Variants in BCAR3 observed in about 807,000 individuals in gnomAD.
BCAR3 encodes breast cancer anti-estrogen resistance protein 3.
BCAR3 carries 37 observed loss-of-function variants against 80.1 expected under a neutral mutation model. The ratio of observed to expected loss-of-function variants is 0.46; its 90% CI spans 0.36 to 0.61. The LOEUF (loss-of-function observed/expected upper bound fraction) is 0.61. BCAR3 is among the 20% of genes least tolerant of loss of function. BCAR3 has a pLI of 0.00. For missense variants in BCAR3, 978 were observed against 1,068.2 expected (o/e 0.92, Z 1.18); for synonymous variants, 389 against 418.9 (o/e 0.93, Z 0.87).
intron 3 of BCAR3, among the ~76,000 whole-genome samples, chr1:93,692,122 A>G (rs1649214428): frequency 6.6e-6 from 1 of 152,226 alleles, no homozygotes; most frequent in South Asian, 2.1e-4. Context: ...TATAACTGAC[A>G]CTGCATCATT....
chr1:93,739,140 T>C (rs1651094629), intron 2 of BCAR3, among the ~76,000 whole-genome samples: 1 of 152,306 alleles, frequency 6.6e-6, no homozygotes, highest in East Asian at 1.9e-4. Flanking sequence ...GCGGTACAAC[T>C]GGGAAATAAA....
At chr1:93,679,612 G>C (rs1327538273) in intron 1 of BCAR3, among the ~76,000 whole-genome samples, 1 of 152,202 alleles carries the variant, frequency 6.6e-6, no homozygotes, top group African/African-American at 2.4e-5. Context: ...AAAAGTCAAA[G>C]ACTCTGCATC....
chr1:93,598,038 A>C (rs1447839895), intron 3 of BCAR3, among the ~76,000 whole-genome samples: 1 of 152,274 alleles, frequency 6.6e-6, no homozygotes, highest in East Asian at 1.9e-4. Context: ...ATTGGAAAAC[A>C]CATTCTGGAG....
chr1:93,834,337 C>G (rs1323897971), intron 2 of BCAR3, among the ~76,000 whole-genome samples: 2 of 152,160 alleles, frequency 1.3e-5, no homozygotes, highest in African/African-American at 4.8e-5. Context: ...AACCCATATA[C>G]TCTCCTATCC....
intron 3 of BCAR3, among the ~76,000 whole-genome samples, chr1:93,626,371 T>C (rs1202837545): frequency 6.6e-6 from 1 of 152,198 alleles, no homozygotes; most frequent in African/African-American, 2.4e-5. Flanking sequence ...ATTATTTGTG[T>C]TTTAAGTGTT....
At chr1:93,818,005 C>G (rs978429338) in intron 2 of BCAR3, among the ~76,000 whole-genome samples, 3 of 152,222 alleles carry the variant, frequency 2.0e-5, no homozygotes, top group Non-Finnish European at 4.4e-5. Flanking sequence ...AGTGACTGCT[C>G]CCTCCTTACC....
chr1:93,606,994 T>G (rs1674788974), intron 3 of BCAR3, among the ~76,000 whole-genome samples: 1 of 151,922 alleles, frequency 6.6e-6, no homozygotes, highest in South Asian at 2.1e-4. Flanking sequence ...AGGGGCTGAG[T>G]GGCCAATGGA....
At chr1:93,721,808 A>G (rs1650413497) in intron 2 of BCAR3, among the ~76,000 whole-genome samples, 1 of 152,142 alleles carries the variant, frequency 6.6e-6, no homozygotes, top group Non-Finnish European at 1.5e-5. Flanking sequence ...CTCTGGAGCA[A>G]GGGTTCCTCA....
chr1:93,758,101 T>G (rs192117930), intron 2 of BCAR3, among the ~76,000 whole-genome samples: 1 of 152,300 alleles, frequency 6.6e-6, no homozygotes, highest in East Asian at 1.9e-4. Context: ...TCCCACTGGC[T>G]GAAGGCAACT....
intron 11 of BCAR3, among the ~76,000 whole-genome samples, chr1:93,563,697 A>G (rs887568686): frequency 6.6e-6 from 1 of 151,852 alleles, no homozygotes; most frequent in Non-Finnish European, 1.5e-5. Context: ...ATCATTTTTT[A>G]TTTTTATTTT....
At chr1:93,587,475 C>T (rs183949649) in intron 5 of BCAR3, among the ~76,000 whole-genome samples, 1 of 152,304 alleles carries the variant, frequency 6.6e-6, no homozygotes, top group Admixed American at 6.5e-5. Flanking sequence ...GAAGGTGAGG[C>T]CCAGGAAGGT....
intron 2 of BCAR3, among the ~76,000 whole-genome samples, chr1:93,770,461 G>T (rs891270287): frequency 2.0e-5 from 3 of 152,092 alleles, no homozygotes. Context: ...GTGGGCTTGG[G>T]GTTCCAGTGA....
At chr1:93,660,408 A>T (rs1647595944) in intron 2 of BCAR3, among the ~76,000 whole-genome samples, 1 of 152,218 alleles carries the variant, frequency 6.6e-6, no homozygotes, top group Non-Finnish European at 1.5e-5. Context: ...CATGTTTAAA[A>T]TACCAGGGAG....
chr1:93,717,970 T>C lies in BCAR3; in HGVS notation c.-62-11828A>G, dbSNP rs183601902. Among the ~76,000 whole-genome samples, 235 of 152,352 alleles carry C rather than the reference T, an allele frequency of 1.5e-3. 1 individual carries two copies. Among genetic ancestry groups the C allele is most frequent in the African/African-American group, 5.4e-3 (226 of 41,582 alleles). The stretch of plus-strand genomic sequence containing the variant: ...GGGTTGAACTTTTTGTCTGTTCATT[T>C]GCAGATTACTCTAAAAAGACAGGGA... On this transcript the variant is annotated intron_variant, in intron 2 of 13. Coordinates refer to the BCAR3 transcript ENST00000370244.
chr1:93,749,337 C>T (rs1651463890), intron 2 of BCAR3, among the ~76,000 whole-genome samples: 1 of 151,924 alleles, frequency 6.6e-6, no homozygotes, highest in African/African-American at 2.4e-5. Flanking sequence ...GCCTGTAATC[C>T]CAGCACTTTG....
intron 1 of BCAR3, chr1:93,847,027 G>GCCCA (rs1439616660): frequency 5.4e-6 from 1 of 184,688 alleles, no homozygotes; most frequent in Admixed American, 1.5e-4. Flanking sequence ...GCGGCGGCCG[G>GCCCA]GCGCGAGGGA....
At chr1:93,844,364 T>C (rs909655676) in intron 2 of BCAR3, among the ~76,000 whole-genome samples, 1 of 152,238 alleles carries the variant, frequency 6.6e-6, no homozygotes, top group African/African-American at 2.4e-5. Flanking sequence ...AGGGCTTTGC[T>C]GTCCAGCGAA....
intron 3 of BCAR3, among the ~76,000 whole-genome samples, chr1:93,597,894 G>A (rs1289877966): frequency 1.3e-5 from 2 of 152,150 alleles, no homozygotes; most frequent in Non-Finnish European, 2.9e-5. Context: ...GGAGGGGACT[G>A]GTCCTAGCTT....
chr1:93,613,745 T>A, intron 3 of BCAR3: 1 of 1,383,292 alleles, frequency 7.2e-7, no homozygotes, highest in Non-Finnish European at 9.8e-7. Flanking sequence ...GTTTTCACAA[T>A]CAGCAAGCTG....
Sources: gnomAD v4.1 joint callset for allele counts (sites outside exome capture counted in the v4.1 genomes callset) on GRCh38, gnomAD v4.1.1 for gene constraint, MANE v1.5 for transcripts, NCBI Gene and HGNC (gene_info 2026-07-23, HGNC 2026-07-21) for gene names.